Variants in CD47 observed in about 807,000 individuals in gnomAD.
CD47 encodes the protein CD47 molecule, also known as leukocyte surface antigen CD47.
CD47 carries 11 observed loss-of-function variants against 44.6 expected under a neutral mutation model. The ratio of observed to expected loss-of-function variants is 0.25; its 90% CI spans 0.16 to 0.41. CD47 has a LOEUF of 0.41. CD47 is among the 10% of genes least tolerant of loss of function. The pLI, the probability that CD47 is intolerant of heterozygous loss-of-function variation, is 1.00. For missense variants in CD47, 306 were observed against 386.7 expected (o/e 0.79, Z 1.75); for synonymous variants, 140 against 136.3 (o/e 1.03, Z -0.19).
chr3:108,058,223 T>TA (rs897282232), intron 6 of CD47, 114 bp downstream of exon 6: 16,520 of 467,894 alleles, frequency 0.035, 33 homozygotes, highest in African/African-American at 0.049. Flanking sequence ...AAAACTGCAC[T>TA]AAAAAAAAAA....
rs747576694 is a variant in CD47, at chr3:108,076,800, G to C, written c.400+3191C>G. On this transcript the variant is annotated intron_variant, in intron 2 of 10. Transcript: ENST00000361309. ...TCTGTGATGCCTAGTACGGTGACTGGCACATGGTAGGCACTTAGTAAAATT... is the reference window on the plus strand; with the variant it reads ...TCTGTGATGCCTAGTACGGTGACTGCCACATGGTAGGCACTTAGTAAAATT... Among the ~76,000 whole-genome samples, 3 of 152,232 alleles carry C rather than the reference G, an allele frequency of 2.0e-5. No individual in the cohort carries two copies. The East Asian group carries it at 5.8e-4, about 29-fold the overall frequency.
Position 108,050,858 on chromosome 3 carries a change from C to T in CD47, c.910-256G>A, listed in dbSNP as rs150096009. 24 of 451,222 alleles carry T rather than the reference C, an allele frequency of 5.3e-5. No individual in the cohort carries two copies. In the East Asian group the frequency reaches 1.3e-3, roughly 25 times the overall value. 28.0% of individuals were successfully genotyped at this position (451,222 alleles called of 1,614,324 possible). ...CTAAACAGAATTTCCCACTTCACCA[C>T]TCTCAGCTCAAGAAATTCTAACTTC... On this transcript the variant is annotated intron_variant, in intron 8 of 10. Transcript: ENST00000361309.
At chr3:108,051,179 C>A (rs2078820405) in intron 8 of CD47, among the ~76,000 whole-genome samples, 1 of 152,190 alleles carries the variant, frequency 6.6e-6, no homozygotes, top group Admixed American at 6.5e-5. Flanking sequence ...CTACCTCCGG[C>A]CACAGACAGA....
At chr3:108,051,752 A>G (rs2078832877) in intron 8 of CD47, 187 bp downstream of exon 8, 1 of 681,644 alleles carries the variant, frequency 1.5e-6, no homozygotes, top group Non-Finnish European at 2.8e-6. Context: ...TCCCATTGAC[A>G]CTAAAATGAC....
chr3:108,073,366 T>C (rs1020294111), intron 2 of CD47, among the ~76,000 whole-genome samples: 1 of 152,118 alleles, frequency 6.6e-6, no homozygotes, highest in Non-Finnish European at 1.5e-5. Flanking sequence ...CAAACACTTA[T>C]TGAAAGCCCA....
At chr3:108,081,012 C>G (rs1156955356) in intron 1 of CD47, among the ~76,000 whole-genome samples, 1 of 151,752 alleles carries the variant, frequency 6.6e-6, no homozygotes, top group African/African-American at 2.4e-5. Flanking sequence ...GTATGGGAGT[C>G]TTGAATGACA....
Position 108,083,988 on chromosome 3 carries a change from C to A in CD47, c.47-3644G>T, listed in dbSNP as rs372883971. Among the ~76,000 whole-genome samples the A allele has an allele frequency of 2.0e-5, 3 of 151,718 alleles. No homozygotes were observed. The East Asian group carries it at 5.8e-4, about 29-fold the overall frequency. On this transcript the variant is annotated intron_variant, in intron 1 of 10. Transcript: ENST00000361309. ...CCTCCATACCCATCAGTCTCCTCAA[C>A]GACTTTCCTTAGTTGATTATCAGCC...
In CD47 at chr3:108,059,433, T is replaced by C. The variant is rs976696344; in HGVS notation, c.691+19A>G. On this transcript the variant is annotated intron_variant, in intron 5 of 10. Coordinates refer to ENST00000361309, the MANE Select transcript of CD47 (RefSeq NM_001777.4). ...ATGAAAAAGGTAGACAAAATCATAC[T>C]GTAACAATGAAAACTCACCTGTACT... The C allele has an allele frequency of 8.4e-7, 1 of 1,194,618 alleles. No homozygotes were observed. 74.0% of individuals were successfully genotyped at this position (1,194,618 alleles called of 1,614,324 possible).
At chr3:108,085,823 G>A (rs183518454) in intron 1 of CD47, among the ~76,000 whole-genome samples, 1 of 152,230 alleles carries the variant, frequency 6.6e-6, no homozygotes, top group East Asian at 1.9e-4. Context: ...AATCATGTGG[G>A]AGAAGATAGA....
chr3:108,081,967 C>G lies in CD47; in HGVS notation c.47-1623G>C, dbSNP rs147813236. Among the ~76,000 whole-genome samples, 102 of 152,022 alleles carry G rather than the reference C, an allele frequency of 6.7e-4. 3 individuals carry two copies. In the East Asian group the frequency reaches 0.019, roughly 28 times the overall value. ...TTCTAGCCACCCAAATACTAGGAAGCCCAAGGCAAAACCTGGACTTCCGTT... is the reference window on the plus strand; with the variant it reads ...TTCTAGCCACCCAAATACTAGGAAGGCCAAGGCAAAACCTGGACTTCCGTT... On this transcript the variant is annotated intron_variant, in intron 1 of 10. Transcript: ENST00000361309.
chr3:108,082,047 AG>A lies in CD47; in HGVS notation c.47-1704del, dbSNP rs371174799. Among the ~76,000 whole-genome samples, 43 of 152,094 alleles carry A rather than the reference AG, an allele frequency of 2.8e-4. No homozygotes were observed. In the East Asian group the frequency reaches 7.5e-3, roughly 27 times the overall value. On this transcript the variant is annotated intron_variant, in intron 1 of 10. Coordinates refer to ENST00000361309, the MANE Select transcript of CD47 (RefSeq NM_001777.4). ...TATTTCCCCTGAGAGAGAAACACTG[AG>A]GGAGAGAGGACATAGTATACCAGAG...
chr3:108,071,706 T>C (rs568921837), intron 2 of CD47, among the ~76,000 whole-genome samples: 20 of 152,338 alleles, frequency 1.3e-4, no homozygotes, highest in African/African-American at 4.8e-4. Flanking sequence ...AAAATAAGTA[T>C]GTATTCATGT....
intron 2 of CD47, among the ~76,000 whole-genome samples, chr3:108,077,772 G>C (rs927787131): frequency 3.9e-5 from 6 of 151,998 alleles, no homozygotes; most frequent in Non-Finnish European, 8.8e-5. Context: ...TAGATCTCAA[G>C]GGCATTGTGC....
Position 108,058,433 on chromosome 3 carries a change from G to C in CD47, c.692-4C>G, listed in dbSNP as rs2078955206. Reference sequence around the variant, plus strand: ...ACGAAGGAGGTTAATCCAATCGCTGGAGGAAGGAAAAGGATGTAACAGAAG... The same window carrying C: ...ACGAAGGAGGTTAATCCAATCGCTGCAGGAAGGAAAAGGATGTAACAGAAG... On this transcript the variant is annotated splice_polypyrimidine_tract_variant and splice_region_variant and intron_variant, in intron 5 of 10. Transcript: ENST00000361309. 3 of 1,547,970 alleles carry C rather than the reference G, an allele frequency of 1.9e-6. No individual in the cohort carries two copies. Among genetic ancestry groups the C allele is most frequent in the Non-Finnish European group, 2.6e-6 (3 of 1,141,234 alleles).
intron 2 of CD47, among the ~76,000 whole-genome samples, chr3:108,072,967 C>T (rs1392430964): frequency 6.6e-6 from 1 of 152,030 alleles, no homozygotes; most frequent in Non-Finnish European, 1.5e-5. Flanking sequence ...TGTTCATGTT[C>T]CACAATGAAT....
At chr3:108,048,618 T>C (rs1229256236) in intron 10 of CD47, among the ~76,000 whole-genome samples, 1 of 151,994 alleles carries the variant, frequency 6.6e-6, no homozygotes, top group Non-Finnish European at 1.5e-5. Context: ...TCTCCTGACC[T>C]TGTGATCCGC....
At chr3:108,063,925 CA>C (rs2108241768) in intron 3 of CD47, among the ~76,000 whole-genome samples, 1 of 152,288 alleles carries the variant, frequency 6.6e-6, no homozygotes, top group South Asian at 2.1e-4. Flanking sequence ...TACCAAGTAT[CA>C]GGGGAGACAA....
chr3:108,064,035 G>A (rs1192755453), intron 3 of CD47, among the ~76,000 whole-genome samples: 1 of 152,180 alleles, frequency 6.6e-6, no homozygotes, highest in Non-Finnish European at 1.5e-5. Context: ...TAAGAAATCT[G>A]TTGGGTTGGT....
chr3:108,054,542 G>T (rs1006322538), intron 7 of CD47: 3 of 151,888 alleles, frequency 2.0e-5, no homozygotes, highest in African/African-American at 7.3e-5. Flanking sequence ...GACATTGACA[G>T]CCATATATAT....
Sources: gnomAD v4.1 joint callset for allele counts (sites outside exome capture counted in the v4.1 genomes callset) on GRCh38, gnomAD v4.1.1 for gene constraint, MANE v1.5 for transcripts, NCBI Gene and HGNC (gene_info 2026-07-23, HGNC 2026-07-21) for gene names.